Variants in FAM120A observed in about 807,000 individuals in gnomAD.
The protein encoded by FAM120A is family with sequence similarity 120 member A.
In FAM120A, 15 loss-of-function variants were observed where a neutral mutation model predicts 109.7. The ratio of observed to expected loss-of-function variants is 0.14; its 90% CI spans 0.09 to 0.21. The LOEUF is 0.21. Ranked by LOEUF, FAM120A falls within the 10% of genes least tolerant of loss-of-function variation. FAM120A has a pLI of 1.00. For synonymous variants in FAM120A, 493 were observed against 572.8 expected (o/e 0.86, Z 1.99); for missense variants, 899 against 1,439.3 (o/e 0.62, Z 6.07).
intron 3 of FAM120A, among the ~76,000 whole-genome samples, chr9:93,476,673 G>A (rs866203264): frequency 8.5e-5 from 13 of 152,088 alleles, no homozygotes; most frequent in Admixed American, 3.3e-4. Flanking sequence ...TCTTTAGGTA[G>A]TATAGTTACT....
chr9:93,476,990 A>G (rs1050411710), intron 3 of FAM120A, among the ~76,000 whole-genome samples: 2 of 152,086 alleles, frequency 1.3e-5, no homozygotes, highest in African/African-American at 4.8e-5. Flanking sequence ...TTCAGCTTGG[A>G]CTTGTTAGTG....
At chr9:93,481,136 G>A (rs1015322824) in intron 3 of FAM120A, among the ~76,000 whole-genome samples, 4 of 152,228 alleles carry the variant, frequency 2.6e-5, no homozygotes, top group Non-Finnish European at 4.4e-5. Context: ...TAGCTGGTGT[G>A]GCCTGTACTC....
At chr9:93,514,067 G>A (rs1860459466) in intron 5 of FAM120A, among the ~76,000 whole-genome samples, 1 of 152,228 alleles carries the variant, frequency 6.6e-6, no homozygotes, top group Admixed American at 6.5e-5. Flanking sequence ...TTGACTCACA[G>A]TTCAGCATGG....
intron 10 of FAM120A, among the ~76,000 whole-genome samples, chr9:93,534,092 G>A (rs1220755376): frequency 6.6e-6 from 1 of 152,180 alleles, no homozygotes; most frequent in African/African-American, 2.4e-5. Flanking sequence ...CCTGCTGCAT[G>A]TCTGCAGCAC....
Position 93,452,215 on chromosome 9 carries a change from C to G in FAM120A, c.300C>G (p.Leu100=), listed in dbSNP as rs753865983. ...IELFVFFNGA[L]EKARLHEWVK... ...TCTTCGTCTTCTTCAACGGCGCGCT[C>G]GAGAAGGCCCGGCTGCACGAGTGGG... Residue 100 remains leucine (L), a synonymous_variant, in exon 1 of 18, where the codon CTC becomes CTG. Transcript: ENST00000277165. The surrounding 1 kb of genome is among the most constrained non-coding windows in gnomAD (Gnocchi z 7.0). The G allele has an allele frequency of 3.1e-6, 5 of 1,611,296 alleles. No homozygotes were observed. In the East Asian group the frequency reaches 8.9e-5, roughly 29 times the overall value.
chr9:93,492,484 G>A (rs184650826), intron 3 of FAM120A, among the ~76,000 whole-genome samples: 1 of 152,304 alleles, frequency 6.6e-6, no homozygotes, highest in African/African-American at 2.4e-5. Flanking sequence ...ATGGGACCAA[G>A]CCCTTAGGAC....
At chr9:93,455,860 ACCATCTTGG>A (rs1857529344) in intron 1 of FAM120A, among the ~76,000 whole-genome samples, 1 of 151,948 alleles carries the variant, frequency 6.6e-6, no homozygotes, top group Non-Finnish European at 1.5e-5. Context: ...GCGGGGTTTC[ACCATCTTGG>A]CCAGGCTGGT....
At chr9:93,521,001 C>G (rs1860822963) in intron 7 of FAM120A, among the ~76,000 whole-genome samples, 2 of 152,266 alleles carry the variant, frequency 1.3e-5, no homozygotes, top group Middle Eastern at 6.8e-3. Flanking sequence ...CTGTACAGTT[C>G]TCCTGTGCTG....
In FAM120A at chr9:93,556,558, A is replaced by G. The variant is rs761795758; in HGVS notation, c.2451A>G (p.Glu817=). ...FQSKLLKASR[E]KTPLIDLCDG... ...CCAAACTCCTCAAAGCCAGCCGGGA[A>G]AAGACCCCACTCATTGACCTCTGTG... is the stretch of plus-strand genomic sequence containing the variant. The change falls in exon 13 of 18, where the codon GAA becomes GAG. Residue 817 remains glutamate, a synonymous_variant. Transcript: ENST00000277165. The G allele has an allele frequency of 9.3e-6, 15 of 1,614,190 alleles. No individual in the cohort carries two copies. Among genetic ancestry groups the G allele is most frequent in the Non-Finnish European group, 1.3e-5 (15 of 1,180,006 alleles).
At chr9:93,538,339 G>A (rs1007047556) in intron 10 of FAM120A, among the ~76,000 whole-genome samples, 2 of 152,096 alleles carry the variant, frequency 1.3e-5, no homozygotes, top group African/African-American at 4.8e-5. Flanking sequence ...CTACCTACAC[G>A]CTGGGGCTGC....
intron 14 of FAM120A, among the ~76,000 whole-genome samples, 196 bp downstream of exon 14, chr9:93,558,206 G>GATGCAA (rs1862359054): frequency 6.6e-6 from 1 of 152,274 alleles, no homozygotes; most frequent in South Asian, 2.1e-4. Context: ...TGCTGATGCA[G>GATGCAA]ATGCAAAAGC....
chr9:93,468,169 C>G (rs1402825806), intron 1 of FAM120A, among the ~76,000 whole-genome samples: 6 of 152,188 alleles, frequency 3.9e-5, no homozygotes, highest in Non-Finnish European at 8.8e-5. Flanking sequence ...CAGGTGTGAG[C>G]CACTGCGCCC....
In FAM120A at chr9:93,557,951, C is replaced by T. The variant is rs140826080; in HGVS notation, c.2609C>T (p.Ala870Val). 164 of 1,606,078 alleles carry T rather than the reference C, an allele frequency of 1.0e-4. No individual in the cohort carries two copies. The highest frequency in any genetic ancestry group is 2.2e-4 in the East Asian group (10 of 44,892). The stretch of plus-strand genomic sequence containing the variant: ...GCCCTGCCCTTCTACCCTGCCTCTG[C>T]GTACCCCCGGCACTTTGGGCCTGTC... Reference protein sequence around the residue: ...PPALPFYPASAYPRHFGPVPP... With the variant: ...PPALPFYPASVYPRHFGPVPP... The change falls in exon 14 of 18, where the codon GCG (alanine) becomes GTG (valine). Residue 870 changes from alanine to valine, a missense_variant. Physicochemically the swap from Ala to Val is moderately conservative, Grantham distance 64. Coordinates refer to ENST00000277165, the MANE Select transcript of FAM120A (RefSeq NM_014612.5).
At chr9:93,526,652 G>A (rs1163688968) in intron 7 of FAM120A, among the ~76,000 whole-genome samples, 4 of 152,070 alleles carry the variant, frequency 2.6e-5, no homozygotes, top group Admixed American at 6.5e-5. Flanking sequence ...TTTCCAGTTC[G>A]AGTCACCTCC....
At chr9:93,469,170 C>T (rs1858194673) in intron 1 of FAM120A, among the ~76,000 whole-genome samples, 1 of 152,218 alleles carries the variant, frequency 6.6e-6, no homozygotes, top group Non-Finnish European at 1.5e-5. Context: ...GGGCCAGCAG[C>T]CCCTTCTCAC....
chr9:93,483,504 G>A (rs1858911650), intron 3 of FAM120A, among the ~76,000 whole-genome samples: 2 of 151,728 alleles, frequency 1.3e-5, no homozygotes, highest in African/African-American at 4.8e-5. Flanking sequence ...CATTTTTACT[G>A]TTTTAGATAG....
At chr9:93,519,151 C>T (rs1051861712) in intron 7 of FAM120A, among the ~76,000 whole-genome samples, 9 of 152,164 alleles carry the variant, frequency 5.9e-5, no homozygotes, top group Non-Finnish European at 1.0e-4. Flanking sequence ...GGTCTCCGGA[C>T]AGTCAGACCA....
chr9:93,541,215 G>A (rs1444968976), intron 10 of FAM120A, among the ~76,000 whole-genome samples: 1 of 152,148 alleles, frequency 6.6e-6, no homozygotes, highest in East Asian at 1.9e-4. Context: ...TAGCAACATA[G>A]CATATTGGCG....
At chr9:93,507,131 C>CA (rs1860097051) in intron 5 of FAM120A, among the ~76,000 whole-genome samples, 2 of 152,054 alleles carry the variant, frequency 1.3e-5, no homozygotes, top group African/African-American at 2.4e-5. Flanking sequence ...TGGGCAAGGG[C>CA]AGGTATAGGG....
Sources: allele counts gnomAD v4.1 joint callset (sites outside exome capture counted in the v4.1 genomes callset), GRCh38; gene constraint gnomAD v4.1.1; non-coding constraint Gnocchi (gnomAD v3.1); transcripts MANE v1.5; gene names NCBI Gene and HGNC (gene_info 2026-07-23, HGNC 2026-07-21).